Variants in SPOCK3 observed in about 807,000 individuals in gnomAD.
The protein encoded by SPOCK3 is testican-3.
In SPOCK3, 30 loss-of-function variants were observed where a neutral mutation model predicts 56.6. That is an observed-to-expected ratio of 0.53 (90% CI 0.40 to 0.72). The LOEUF is 0.72. Among genes scored for constraint, SPOCK3 ranks in the 30% least tolerant of loss-of-function variants. SPOCK3 has a pLI of 0.00. For missense variants in SPOCK3, 527 were observed against 530.0 expected, an observed-to-expected ratio of 0.99 and a Z score of 0.06; for synonymous variants, 196 against 183.3, an observed-to-expected ratio of 1.07 and a Z score of -0.56.
intron 2 of SPOCK3, among the ~76,000 whole-genome samples, chr4:167,233,153 G>C (rs1737358655): frequency 6.6e-6 from 1 of 152,150 alleles, no homozygotes; most frequent in Non-Finnish European, 1.5e-5. Flanking sequence ...ATCGTGCTCT[G>C]TACGTGAGCA....
intron 5 of SPOCK3, among the ~76,000 whole-genome samples, chr4:166,903,989 T>C (rs1336548976): frequency 1.3e-5 from 2 of 152,056 alleles, no homozygotes; most frequent in Non-Finnish European, 2.9e-5. Flanking sequence ...TACTATTTTT[T>C]CTTTATCTAG....
chr4:166,785,508 C>CA (rs2126632451), intron 7 of SPOCK3, among the ~76,000 whole-genome samples: 1 of 152,102 alleles, frequency 6.6e-6, no homozygotes, highest in Admixed American at 6.6e-5. Flanking sequence ...AGATTACTAT[C>CA]ATAATGTGTT....
intron 5 of SPOCK3, among the ~76,000 whole-genome samples, chr4:166,899,040 G>T (rs1223360253): frequency 6.6e-6 from 1 of 151,868 alleles, no homozygotes. Flanking sequence ...TCTATCTTCT[G>T]CCCTCTGACA....
chr4:166,844,720 C>A (rs555589296), intron 6 of SPOCK3, among the ~76,000 whole-genome samples: 1 of 151,222 alleles, frequency 6.6e-6, no homozygotes, highest in East Asian at 1.9e-4. Flanking sequence ...AGATATACAT[C>A]TCTATACATA....
At chr4:166,934,217 G>A (rs182026392) in intron 4 of SPOCK3, among the ~76,000 whole-genome samples, 138 of 151,970 alleles carry the variant, frequency 9.1e-4, no homozygotes, top group African/African-American at 3.1e-3. Flanking sequence ...ACGGCCGGGC[G>A]CAGTGGCTCA....
At chr4:166,924,662 T>C (rs1365560300) in intron 4 of SPOCK3, among the ~76,000 whole-genome samples, 1 of 152,230 alleles carries the variant, frequency 6.6e-6, no homozygotes, top group African/African-American at 2.4e-5. Flanking sequence ...ACTAATGACT[T>C]ATCATGTTTG....
At chr4:167,148,409 TAA>T (rs1234767552) in intron 2 of SPOCK3, among the ~76,000 whole-genome samples, 1 of 152,198 alleles carries the variant, frequency 6.6e-6, no homozygotes, top group Non-Finnish European at 1.5e-5. Flanking sequence ...CTCTGAGAAA[TAA>T]AGACTCTCAG....
chr4:166,816,544 G>GC (rs1553977195), intron 6 of SPOCK3, among the ~76,000 whole-genome samples: 1 of 151,590 alleles, frequency 6.6e-6, no homozygotes, highest in Non-Finnish European at 1.5e-5. Flanking sequence ...AATTTGTTTT[G>GC]TTTTTTTTCC....
At chr4:166,869,806 C>T (rs974474543) in intron 6 of SPOCK3, among the ~76,000 whole-genome samples, 1 of 151,996 alleles carries the variant, frequency 6.6e-6, no homozygotes, top group Non-Finnish European at 1.5e-5. Flanking sequence ...TCTGGAGAGT[C>T]GGGCAATTTC....
At chr4:166,767,429 C>T (rs1738244432) in intron 7 of SPOCK3, among the ~76,000 whole-genome samples, 1 of 151,988 alleles carries the variant, frequency 6.6e-6, no homozygotes, top group African/African-American at 2.4e-5. Context: ...TTTATTTCTG[C>T]CTTCATTTCA....
chr4:167,206,039 C>G (rs1734294459), intron 2 of SPOCK3, among the ~76,000 whole-genome samples: 1 of 151,892 alleles, frequency 6.6e-6, no homozygotes, highest in Admixed American at 6.6e-5. Flanking sequence ...CTATTACATT[C>G]CTATAATTTT....
intron 3 of SPOCK3, among the ~76,000 whole-genome samples, chr4:167,012,499 G>A (rs1750180630): frequency 6.6e-6 from 1 of 151,894 alleles, no homozygotes; most frequent in Non-Finnish European, 1.5e-5. Flanking sequence ...TATATTAGGT[G>A]ATTAAGTTAT....
At chr4:167,116,980 G>A (rs540194043) in intron 2 of SPOCK3, among the ~76,000 whole-genome samples, 1 of 145,170 alleles carries the variant, frequency 6.9e-6, no homozygotes, top group East Asian at 2.0e-4. Context: ...GAGAAAATTA[G>A]AGGCACTGAA....
chr4:167,108,700 G>C (rs951371183), intron 2 of SPOCK3, among the ~76,000 whole-genome samples: 1 of 151,234 alleles, frequency 6.6e-6, no homozygotes, highest in Admixed American at 6.7e-5. Flanking sequence ...TGGTTAATGG[G>C]TAAAAACAGT....
At position 166,800,183 on chromosome 4, in the gene SPOCK3, G is replaced by GAAAAAA. The variant is rs367811359; in HGVS notation, c.590-7900_590-7895dup. ...GGCGACAGAGAGAGACTCCATCTCAGAAAAAAAAAAAAAAAAAAAAAAATG... is the reference window on the plus strand; with the variant it reads ...GGCGACAGAGAGAGACTCCATCTCAGAAAAAAAAAAAAAAAAAAAAAAAAAAAAATG... On this transcript the variant is annotated intron_variant, in intron 6 of 10. Coordinates refer to ENST00000357545, the MANE Select transcript of SPOCK3 (RefSeq NM_001040159.2). 2.7e-4 allele frequency among the ~76,000 whole-genome samples: 14 copies of GAAAAAA among 51,772 alleles called. 2 individuals are homozygous for GAAAAAA. Among genetic ancestry groups the GAAAAAA allele is most frequent in the East Asian group, 2.8e-3 (2 of 714 alleles). The allele number at this position is 51,772 out of a possible 152,430, so 34.0% of individuals were successfully genotyped here.
At chr4:166,827,530 A>C (rs563668498) in intron 6 of SPOCK3, among the ~76,000 whole-genome samples, 2 of 152,246 alleles carry the variant, frequency 1.3e-5, no homozygotes, top group African/African-American at 4.8e-5. Flanking sequence ...TTTTGTTTAC[A>C]GCAACACAGA....
At chr4:166,993,328 T>C (rs2150115512) in intron 4 of SPOCK3, among the ~76,000 whole-genome samples, 1 of 152,276 alleles carries the variant, frequency 6.6e-6, no homozygotes, top group East Asian at 1.9e-4. Flanking sequence ...TGCCTATGAA[T>C]CCTTCTCGTG....
At position 166,734,378 on chromosome 4, in the gene SPOCK3, A is replaced by C. The variant is rs1393874643; in HGVS notation, c.*543T>G. On this transcript the variant is annotated 3_prime_UTR_variant, in exon 11 of 11. Transcript: ENST00000357545. ...AGGTAAAAACACCACTATTAATGTA[A>C]ACACAATTGAGGACTCTACAATTGT... 1 of 151,930 alleles carries C rather than the reference A, an allele frequency of 6.6e-6. No individual in the cohort carries two copies. 9.4% of individuals were successfully genotyped at this position (151,930 alleles called of 1,614,324 possible).
intron 2 of SPOCK3, among the ~76,000 whole-genome samples, chr4:167,209,352 A>C (rs1734646309): frequency 6.6e-6 from 1 of 152,094 alleles, no homozygotes; most frequent in South Asian, 2.1e-4. Flanking sequence ...GATGAGTAGA[A>C]TTTTTCACTA....
Sources: gnomAD v4.1 joint callset for allele counts (sites outside exome capture counted in the v4.1 genomes callset) on GRCh38, gnomAD v4.1.1 for gene constraint, MANE v1.5 for transcripts, NCBI Gene and HGNC (gene_info 2026-07-23, HGNC 2026-07-21) for gene names.